The following CFAP47 variants were observed in gnomAD, a reference collection of about 807,000 sequenced individuals.
The protein encoded by CFAP47 is cilia- and flagella-associated protein 47.
In CFAP47, 29 loss-of-function variants were observed where a neutral mutation model predicts 148.1. That is an observed-to-expected ratio of 0.20 (90% CI 0.15 to 0.27). CFAP47 has a LOEUF of 0.27. Among genes scored for constraint, CFAP47 ranks in the 10% least tolerant of loss-of-function variants. CFAP47 has a pLI of 1.00. For missense variants in CFAP47, 1,872 were observed against 1,697.5 expected (o/e 1.10, Z -1.81); for synonymous variants, 664 against 577.3 (o/e 1.15, Z -2.15).
chrX:36,282,620 A>G (rs782764587), intron 50 of CFAP47, among the ~76,000 whole-genome samples: 4 of 111,496 alleles, frequency 3.6e-5, no homozygotes, highest in Non-Finnish European at 5.7e-5. Flanking sequence ...CAGTGTATTT[A>G]TTTTCAATTA....
chrX:36,119,104 C>G, intron 33 of CFAP47, among the ~76,000 whole-genome samples: 1 of 111,710 alleles, frequency 9.0e-6, no homozygotes, highest in Non-Finnish European at 1.9e-5. Flanking sequence ...ATTTACAGTA[C>G]TTTGTTGAAT....
chrX:36,006,968 C>A (rs149009551), intron 21 of CFAP47, among the ~76,000 whole-genome samples: 1,770 of 111,957 alleles, frequency 0.016, 38 homozygotes, highest in African/African-American at 0.055. Context: ...CAATGCAGAG[C>A]ATTTTCTTCA....
chrX:35,963,755 G>A (rs1399042047), intron 8 of CFAP47, among the ~76,000 whole-genome samples: 1 of 110,374 alleles, frequency 9.1e-6, no homozygotes, highest in Non-Finnish European at 1.9e-5. Context: ...AATTTTCTTA[G>A]TGACTGCCCT....
chrX:36,166,879 G>A (rs1378352358), intron 39 of CFAP47, among the ~76,000 whole-genome samples: 1 of 111,442 alleles, frequency 9.0e-6, no homozygotes, highest in East Asian at 2.8e-4. Flanking sequence ...ACCGTCTTTG[G>A]CATGCCCACA....
rs777433905 is a variant in CFAP47 at position 35,941,039 on chromosome X, A to G, written c.402-244A>G. ...GAGACATTCAAACTATTTATTTGGG[A>G]TGACATACCATGCACTTAGATGCAT... is the stretch of plus-strand genomic sequence containing the variant. On this transcript the variant is annotated intron_variant, in intron 2 of 63. Coordinates refer to ENST00000378653, the MANE Select transcript of CFAP47 (RefSeq NM_001304548.2). Among the ~76,000 whole-genome samples the G allele has an allele frequency of 3.0e-4, 33 of 111,836 alleles. No individual in the cohort carries two copies. In the Admixed American group the frequency reaches 3.0e-3, roughly 10 times the overall value.
chrX:36,319,357 C>A, intron 57 of CFAP47, 50 bp downstream of exon 57: 2 of 564,064 alleles, frequency 3.5e-6, no homozygotes, highest in Non-Finnish European at 5.3e-6. Context: ...TGTTGCATTT[C>A]AGAGATAATG....
At chrX:36,194,071 A>G in intron 42 of CFAP47, among the ~76,000 whole-genome samples, 1 of 111,804 alleles carries the variant, frequency 8.9e-6, no homozygotes, top group Middle Eastern at 4.6e-3. Context: ...TCTACAAAGA[A>G]GTTGTAGAAT....
chrX:36,058,342 A>G (rs1937570372), intron 26 of CFAP47, among the ~76,000 whole-genome samples: 1 of 112,161 alleles, frequency 8.9e-6, no homozygotes, highest in African/African-American at 3.2e-5. Context: ...GACATTTGTA[A>G]AGTCATTTTA....
At chrX:36,022,285 T>G (rs1295158022) in intron 22 of CFAP47, among the ~76,000 whole-genome samples, 1 of 111,844 alleles carries the variant, frequency 8.9e-6, no homozygotes, top group African/African-American at 3.2e-5. Flanking sequence ...CTTCAGTACT[T>G]TAAATATTTC....
At chrX:36,173,806 T>C (rs1939624023) in intron 39 of CFAP47, among the ~76,000 whole-genome samples, 2 of 111,884 alleles carry the variant, frequency 1.8e-5, no homozygotes, top group Non-Finnish European at 3.8e-5. Context: ...TCTGTAGATG[T>C]CTATTAGGTC....
intron 48 of CFAP47, among the ~76,000 whole-genome samples, chrX:36,244,569 A>T (rs1296950207): frequency 8.9e-6 from 1 of 111,769 alleles, no homozygotes; most frequent in Non-Finnish European, 1.9e-5. Context: ...GATCCCACGG[A>T]AATACAAAAG....
intron 45 of CFAP47, among the ~76,000 whole-genome samples, chrX:36,213,172 A>G (rs1289153851): frequency 9.0e-6 from 1 of 111,614 alleles, no homozygotes; most frequent in Non-Finnish European, 1.9e-5. Context: ...TGTGTTTTAT[A>G]TATTTGAGGA....
At chrX:36,064,644 C>A (rs1387935364) in intron 26 of CFAP47, among the ~76,000 whole-genome samples, 1 of 111,626 alleles carries the variant, frequency 9.0e-6, no homozygotes, top group African/African-American at 3.2e-5. Context: ...TGGCATTTTA[C>A]CTCAGCTAGT....
At chrX:36,170,535 G>A (rs1322385094) in intron 39 of CFAP47, among the ~76,000 whole-genome samples, 1 of 110,320 alleles carries the variant, frequency 9.1e-6, no homozygotes, top group East Asian at 2.9e-4. Context: ...ATATGAGCGA[G>A]AATATGCAGT....
In CFAP47 at chrX:35,997,698, C is replaced by T. The variant is rs1163514757; in HGVS notation, c.3177+309C>T. ...AGAGATAACCACTTGCCTAAAATGACACCACATAAATATGAATATGAATGC... is the reference window on the plus strand; with the variant it reads ...AGAGATAACCACTTGCCTAAAATGATACCACATAAATATGAATATGAATGC... On this transcript the variant is annotated intron_variant, in intron 19 of 63. Coordinates refer to ENST00000378653, the MANE Select transcript of CFAP47 (RefSeq NM_001304548.2). 3.6e-5 allele frequency among the ~76,000 whole-genome samples: 4 copies of T among 111,043 alleles called. No individual in the cohort carries two copies. In the Admixed American group the frequency reaches 3.8e-4, roughly 11 times the overall value.
intron 26 of CFAP47, among the ~76,000 whole-genome samples, chrX:36,055,761 T>G (rs1423220413): frequency 8.9e-6 from 1 of 112,464 alleles, no homozygotes; most frequent in Non-Finnish European, 1.9e-5. Flanking sequence ...GTTAAACTAA[T>G]TTACATTTCC....
intron 40 of CFAP47, among the ~76,000 whole-genome samples, chrX:36,184,207 C>T (rs1939781310): frequency 1.8e-5 from 2 of 111,448 alleles, no homozygotes; most frequent in Admixed American, 1.9e-4. Context: ...GAAGAGAAGA[C>T]ATTTTAAAAA....
intron 3 of CFAP47, among the ~76,000 whole-genome samples, chrX:35,945,281 T>A (rs753975357): frequency 8.9e-6 from 1 of 112,028 alleles, no homozygotes; most frequent in East Asian, 2.8e-4. Flanking sequence ...ATTATTATTT[T>A]TCTACCACCT....
chrX:36,210,883 T>C (rs782431816), intron 45 of CFAP47, among the ~76,000 whole-genome samples: 1 of 112,728 alleles, frequency 8.9e-6, no homozygotes, highest in East Asian at 2.8e-4. Flanking sequence ...AATATCTGTA[T>C]ATCCTGTGAG....
Sources: allele counts gnomAD v4.1 joint callset (sites outside exome capture counted in the v4.1 genomes callset), GRCh38; gene constraint gnomAD v4.1.1; transcripts MANE v1.5; gene names NCBI Gene and HGNC (gene_info 2026-07-23, HGNC 2026-07-21).